The following CNTNAP2 variants were observed in gnomAD, a reference collection of about 807,000 sequenced individuals.
The protein encoded by CNTNAP2 is contactin associated protein 2, also known as contactin-associated protein-like 2.
In CNTNAP2, 98 loss-of-function variants were observed where a neutral mutation model predicts 155.2. The ratio of observed to expected loss-of-function variants is 0.63; its 90% CI spans 0.54 to 0.75. The LOEUF (loss-of-function observed/expected upper bound fraction) is 0.75. Among genes scored for constraint, CNTNAP2 ranks in the 30% least tolerant of loss-of-function variants. The probability of loss-of-function intolerance (pLI) is 0.00; values close to 1 mark genes in which losing one functional copy is unlikely to be tolerated. For synonymous variants in CNTNAP2, 651 were observed against 631.2 expected (o/e 1.03, Z -0.47); for missense variants, 1,727 against 1,688.1 (o/e 1.02, Z -0.40).
rs916681733 is a variant in CNTNAP2, at chr7:146,748,351, T to C, written c.98-25920T>C. ...TGTTAGAGACGGGGTTTCACCGTGT[T>C]AGCCAGGATGGTCTGGATCTCCTGA... On this transcript the variant is annotated intron_variant, in intron 1 of 23. Transcript: ENST00000361727. Among the ~76,000 whole-genome samples the C allele has an allele frequency of 1.1e-4, 16 of 152,166 alleles. No homozygotes were observed. The East Asian group carries it at 1.9e-3, about 18-fold the overall frequency.
intron 1 of CNTNAP2, among the ~76,000 whole-genome samples, chr7:146,755,876 G>A (rs1288773667): frequency 6.6e-6 from 1 of 151,868 alleles, no homozygotes; most frequent in Non-Finnish European, 1.5e-5. Context: ...TGACTGCCTT[G>A]CTTCAATAAC....
At chr7:148,307,768 G>C (rs758912835) in intron 21 of CNTNAP2, among the ~76,000 whole-genome samples, 9 of 152,100 alleles carry the variant, frequency 5.9e-5, no homozygotes, top group Non-Finnish European at 1.2e-4. Flanking sequence ...CGGAGTTTGA[G>C]ATCAGCCTGG....
At chr7:147,356,562 G>A (rs1525220) in intron 9 of CNTNAP2, among the ~76,000 whole-genome samples, 120,049 of 152,082 alleles carry the variant, frequency 0.79, 48,086 homozygotes, top group African/African-American at 0.93. Flanking sequence ...TCTTAAGCTG[G>A]TAAGAATTCT....
rs181184097 is a variant in CNTNAP2 at position 147,825,557 on chromosome 7, G to A, written c.2099-78008G>A. Among the ~76,000 whole-genome samples, 16 of 152,242 alleles carry A rather than the reference G, an allele frequency of 1.1e-4. No homozygotes were observed. In the East Asian group the frequency reaches 2.9e-3, roughly 28 times the overall value. ...AAGAAAACACTGATGTATGATAATA[G>A]TATTCTCCAATAAAATTAAAAATAA... On this transcript the variant is annotated intron_variant, in intron 13 of 23. Coordinates refer to ENST00000361727, the MANE Select transcript of CNTNAP2 (RefSeq NM_014141.6).
chr7:148,172,333 C>T lies in CNTNAP2; in HGVS notation c.2865C>T (p.Val955=), dbSNP rs1416064705. The change falls in exon 18 of 24, where the codon GTC becomes GTT. Residue 955 remains valine (V), a synonymous_variant. Coordinates refer to ENST00000361727, the MANE Select transcript of CNTNAP2 (RefSeq NM_014141.6). ...TTGACCTGGAGGAAAGAGCAAAGGT[C>T]ACATCTGGGTTCATATCCGGATGCT... is the stretch of plus-strand genomic sequence containing the variant. The part of the protein sequence containing the change: ...VTLDLEERAK[V]TSGFISGCSG... The T allele has an allele frequency of 6.2e-7, 1 of 1,614,112 alleles. No individual in the cohort carries two copies. Among genetic ancestry groups the T allele is most frequent in the Non-Finnish European group, 8.5e-7 (1 of 1,180,022 alleles).
intron 14 of CNTNAP2, among the ~76,000 whole-genome samples, chr7:147,970,448 G>C (rs1169192663): frequency 1.3e-5 from 2 of 152,130 alleles, no homozygotes; most frequent in African/African-American, 2.4e-5. Context: ...AGAGAGGCTG[G>C]GCTCAGTGGC....
chr7:148,076,470 C>T (rs910009528), intron 15 of CNTNAP2, among the ~76,000 whole-genome samples: 1 of 105,418 alleles, frequency 9.5e-6, no homozygotes, highest in Non-Finnish European at 1.7e-5. Flanking sequence ...GAGTCTCACT[C>T]TTTCACCCAG....
chr7:148,314,676 A>C (rs1797655937), intron 21 of CNTNAP2, among the ~76,000 whole-genome samples: 1 of 151,902 alleles, frequency 6.6e-6, no homozygotes, highest in African/African-American at 2.4e-5. Context: ...CTTGCCCCCC[A>C]GAAAAGCAGA....
intron 8 of CNTNAP2, among the ~76,000 whole-genome samples, chr7:147,255,669 T>C (rs968309290): frequency 4.1e-4 from 62 of 152,236 alleles, no homozygotes; most frequent in African/African-American, 1.4e-3. Context: ...CATTTTACGA[T>C]AAAACCACTC....
intron 1 of CNTNAP2, among the ~76,000 whole-genome samples, chr7:146,414,544 C>A (rs113579157): frequency 6.6e-6 from 1 of 152,270 alleles, no homozygotes; most frequent in East Asian, 1.9e-4. Flanking sequence ...GTCCTGGCAG[C>A]TGCCTACTGT....
chr7:146,359,705 T>C (rs1317310266), intron 1 of CNTNAP2, among the ~76,000 whole-genome samples: 1 of 152,192 alleles, frequency 6.6e-6, no homozygotes, highest in Non-Finnish European at 1.5e-5. Flanking sequence ...CTTATTATAA[T>C]GTAATAGCAT....
intron 9 of CNTNAP2, among the ~76,000 whole-genome samples, chr7:147,379,430 T>G (rs370499199): frequency 1.1e-4 from 16 of 152,192 alleles, no homozygotes; most frequent in South Asian, 1.0e-3. Context: ...AGTTTAAATT[T>G]TTCAGGGCTT....
At chr7:146,463,857 C>G (rs1166657124) in intron 1 of CNTNAP2, among the ~76,000 whole-genome samples, 3 of 151,866 alleles carry the variant, frequency 2.0e-5, no homozygotes, top group Non-Finnish European at 4.4e-5. Flanking sequence ...AAAATACAAT[C>G]TATTCACTTA....
rs1367730804 is a variant in CNTNAP2 at position 146,279,874 on chromosome 7, AAAAC to A, written c.97+162906_97+162909del. The stretch of plus-strand genomic sequence containing the variant: ...TATATAAATAGGATATTAGACATCT[AAAAC>A]AAACTTAAAAAAATATATAATGTAG... On this transcript the variant is annotated intron_variant, in intron 1 of 23. Transcript: ENST00000361727. Among the ~76,000 whole-genome samples, 6 of 151,876 alleles carry A rather than the reference AAAAC, an allele frequency of 4.0e-5. No individual in the cohort carries two copies. The South Asian group carries it at 6.2e-4, about 16-fold the overall frequency.
intron 18 of CNTNAP2, among the ~76,000 whole-genome samples, chr7:148,215,980 T>G (rs1021161109): frequency 1.3e-5 from 2 of 152,214 alleles, no homozygotes; most frequent in Non-Finnish European, 2.9e-5. Flanking sequence ...AGTGTTAATT[T>G]AGTGGGATGT....
intron 6 of CNTNAP2, chr7:147,123,001 A>C (rs1481015525): frequency 1.3e-5 from 2 of 152,172 alleles, no homozygotes; most frequent in Non-Finnish European, 2.9e-5. Flanking sequence ...TGCAATATGA[A>C]TATACGATAT....
rs990753819 is a variant in CNTNAP2, at chr7:146,605,280, A to G, written c.98-168991A>G. ...TTTTGTGTATTATTGTACTTGTTCCATATCTCATATTATCAGATGATTGAT... is the reference window on the plus strand; with the variant it reads ...TTTTGTGTATTATTGTACTTGTTCCGTATCTCATATTATCAGATGATTGAT... On this transcript the variant is annotated intron_variant, in intron 1 of 23. Transcript: ENST00000361727. 1.1e-4 allele frequency among the ~76,000 whole-genome samples: 16 copies of G among 151,088 alleles called. 1 individual carries two copies. Among genetic ancestry groups the G allele is most frequent in the African/African-American group, 3.4e-4 (14 of 41,192 alleles).
chr7:148,310,967 G>A (rs537894058), intron 21 of CNTNAP2, among the ~76,000 whole-genome samples: 1 of 152,300 alleles, frequency 6.6e-6, no homozygotes, highest in African/African-American at 2.4e-5. Flanking sequence ...GGGCTTTGGA[G>A]ATGAAGAGTA....
At chr7:146,186,092 A>G (rs1044370301) in intron 1 of CNTNAP2, among the ~76,000 whole-genome samples, 13 of 152,260 alleles carry the variant, frequency 8.5e-5, no homozygotes, top group African/African-American at 2.9e-4. Context: ...TAAGGATTGT[A>G]ATCACTGTCA....
Sources: gnomAD v4.1 joint callset for allele counts (sites outside exome capture counted in the v4.1 genomes callset) on GRCh38, gnomAD v4.1.1 for gene constraint, MANE v1.5 for transcripts, NCBI Gene and HGNC (gene_info 2026-07-23, HGNC 2026-07-21) for gene names.